GABBR1: variants seen among roughly 807,000 people sequenced by gnomAD.
GABBR1 encodes GABA-B receptor, R1 subunit.
Under a neutral mutation model 117.7 loss-of-function variants are expected in GABBR1, and 35 were observed. That is an observed-to-expected ratio of 0.30 (90% CI 0.23 to 0.39). GABBR1 has a LOEUF of 0.39. Among genes scored for constraint, GABBR1 ranks in the 10% least tolerant of loss-of-function variants. The pLI, the probability that GABBR1 is intolerant of heterozygous loss-of-function variation, is 1.00. For missense variants in GABBR1, 709 were observed against 1,241.8 expected, an observed-to-expected ratio of 0.57 and a Z score of 6.45; for synonymous variants, 442 against 486.6, an observed-to-expected ratio of 0.91 and a Z score of 1.21.
rs762483002 is a variant in GABBR1, at chr6:29,621,164, C to T, written c.1260G>A (p.Glu420=). The T allele has an allele frequency of 1.2e-6, 2 of 1,613,028 alleles. No individual in the cohort carries two copies. Among genetic ancestry groups the T allele is most frequent in the South Asian group, 1.1e-5 (1 of 91,076 alleles). ...CTVDEMTEAV[E]GHITTEIVML... The stretch of plus-strand genomic sequence containing the variant: ...TGACAATCTCAGTTGTGATGTGGCC[C>T]TCCACCGCCTCAGTCATCTCATCCA... Residue 420 remains glutamate, a synonymous_variant, in exon 11 of 23, where the codon GAG becomes GAA. Transcript: ENST00000377034. This position sits in a 1 kb window ranked among gnomAD's most constrained non-coding sequence, Gnocchi z 5.0.
In GABBR1 at chr6:29,631,709, G is replaced by A. The variant is rs375348348; in HGVS notation, c.86-110C>T. The A allele has an allele frequency of 3.3e-5, 30 of 908,158 alleles. No individual in the cohort carries two copies. Among genetic ancestry groups the A allele is most frequent in the Non-Finnish European group, 5.3e-5 (30 of 568,242 alleles). 56.3% of individuals were successfully genotyped at this position (908,158 alleles called of 1,614,324 possible). On this transcript the variant is annotated intron_variant, in intron 2 of 22. Transcript: ENST00000377034. The surrounding 1 kb of genome is among the most constrained non-coding windows in gnomAD (Gnocchi z 5.9). ...TAGGGCGTGGTCTGTGGGCAGGCTG[G>A]GGACAGAGGAAGAGGGATGGGGCAC... is the stretch of plus-strand genomic sequence containing the variant.
rs758113726 is a variant in GABBR1 at position 29,606,442 on chromosome 6, T to C, written c.2260A>G (p.Ile754Val). The C allele has an allele frequency of 3.7e-6, 6 of 1,613,028 alleles. No homozygotes were observed. Among genetic ancestry groups the C allele is most frequent in the Non-Finnish European group, 5.1e-6 (6 of 1,179,874 alleles). Residue 754 changes from isoleucine to valine, a missense_variant, in exon 19 of 23, where the codon ATT becomes GTT. Physicochemically the swap from Ile to Val is conservative, Grantham distance 29. Transcript: ENST00000377034. This position sits in a 1 kb window ranked among gnomAD's most constrained non-coding sequence, Gnocchi z 4.5. ...EEPKEDIDVS[I>V]LPQLEHCSSR... The stretch of plus-strand genomic sequence containing the variant: ...CTGCAATGCTCCAGCTGGGGCAGAA[T>C]AGAGACGTCAATATCTTCCTTAGGT...
In GABBR1 at chr6:29,604,802, A is replaced by G; in HGVS notation, c.2568+58T>C. ...GGGCAGAGGAACTCAGTAATATAGG[A>G]AGGAGGGATGGAGGGAACATGGGAA... On this transcript the variant is annotated intron_variant, in intron 21 of 22. Coordinates refer to ENST00000377034, the MANE Select transcript of GABBR1 (RefSeq NM_001470.4). This position sits in a 1 kb window ranked among gnomAD's most constrained non-coding sequence, Gnocchi z 5.3. The G allele has an allele frequency of 6.3e-7, 1 of 1,595,060 alleles. No homozygotes were observed.
chr6:29,607,266 G>A lies in GABBR1; in HGVS notation c.1993-48C>T, dbSNP rs761428995. 7.6e-6 allele frequency: 11 copies of A among 1,456,924 alleles called. No individual in the cohort carries two copies. The highest frequency in any genetic ancestry group is 1.4e-5 in the African/African-American group (1 of 71,848). The allele number at this position is 1,456,924 out of a possible 1,614,324, so 90.2% of individuals were successfully genotyped here. A position where few individuals can be genotyped will look rare whatever the true frequency, so the allele number is the denominator to read the frequency against. The stretch of plus-strand genomic sequence containing the variant: ...GGCAGAACAGGGTAGAGTAGTAGCC[G>A]GGACTGCAGTAAGGATGGGCAGAAC... On this transcript the variant is annotated intron_variant, in intron 16 of 22. Transcript: ENST00000377034. The surrounding 1 kb of genome is among the most constrained non-coding windows in gnomAD (Gnocchi z 5.0).
intron 11 of GABBR1, among the ~76,000 whole-genome samples, chr6:29,617,841 G>A (rs1037228483): frequency 2.2e-4 from 34 of 152,294 alleles, no homozygotes; most frequent in African/African-American, 7.9e-4. Context: ...TAATGATAAC[G>A]ATGATGGTGG....
Position 29,605,630 on chromosome 6 carries a change from C to T in GABBR1, c.2378G>A (p.Ser793Asn), listed in dbSNP as rs1418330989. ...ATCATTGATCTTCTCAGTGGACACA[C>T]TCTTGGTCTCATAAGCAAGGAAGAT... is the stretch of plus-strand genomic sequence containing the variant. ...LGIFLAYETKSVSTEKINDHR... is the reference protein window; with the variant it reads ...LGIFLAYETKNVSTEKINDHR... The change falls in exon 20 of 23, where the codon AGT becomes AAT. Residue 793 changes from serine to asparagine, a missense_variant. Around this residue, in one of 9 missense-constraint regions of GABBR1, gnomAD observed 251 missense variants for 445.3 expected, o/e 0.56. Transcript: ENST00000377034. This position sits in a 1 kb window ranked among gnomAD's most constrained non-coding sequence, Gnocchi z 4.2. The T allele has an allele frequency of 6.2e-7, 1 of 1,613,164 alleles. No individual in the cohort carries two copies. Among genetic ancestry groups the T allele is most frequent in the Non-Finnish European group, 8.5e-7 (1 of 1,180,030 alleles).
At chr6:29,612,062 C>T (rs1044950401) in intron 13 of GABBR1, among the ~76,000 whole-genome samples, 35 of 152,100 alleles carry the variant, frequency 2.3e-4, no homozygotes, top group South Asian at 2.1e-3. Context: ...AGTGCAGTGG[C>T]GTGATCTCAG....
rs950983402 is a variant in GABBR1 at position 29,630,403 on chromosome 6, C to T, written c.475+55G>A. 362 of 1,481,062 alleles carry T rather than the reference C, an allele frequency of 2.4e-4. 1 individual carries two copies. The highest frequency in any genetic ancestry group is 2.7e-5 in the Non-Finnish European group (29 of 1,065,358). 91.7% of individuals were successfully genotyped at this position (1,481,062 alleles called of 1,614,324 possible). ...TCCCATTATCCATTCCCACCCCACT[C>T]CCATCCTCACACAAGCGTCCTCATC... is the stretch of plus-strand genomic sequence containing the variant. On this transcript the variant is annotated intron_variant, in intron 4 of 22. Transcript: ENST00000377034. The surrounding 1 kb of genome is among the most constrained non-coding windows in gnomAD (Gnocchi z 4.9).
chr6:29,607,261 T>G lies in GABBR1; in HGVS notation c.1993-43A>C. ...GCACAGGCAGAACAGGGTAGAGTAG[T>G]AGCCGGGACTGCAGTAAGGATGGGC... On this transcript the variant is annotated intron_variant, in intron 16 of 22. Transcript: ENST00000377034. The surrounding 1 kb of genome is among the most constrained non-coding windows in gnomAD (Gnocchi z 5.0). The G allele has an allele frequency of 6.7e-7, 1 of 1,486,646 alleles. No homozygotes were observed. The highest frequency in any genetic ancestry group is 9.4e-7 in the Non-Finnish European group (1 of 1,066,234). 92.1% of individuals were successfully genotyped at this position (1,486,646 alleles called of 1,614,324 possible). A position where few individuals can be genotyped will look rare whatever the true frequency, so the allele number is the denominator to read the frequency against.
chr6:29,605,126 C>T lies in GABBR1; in HGVS notation c.2440-138G>A. ...TTTGAAAAGGATCCAAATTCAGGAT[C>T]ATCCTCAAATATAGATTGAGAAAAA... On this transcript the variant is annotated intron_variant, in intron 20 of 22. Coordinates refer to ENST00000377034, the MANE Select transcript of GABBR1 (RefSeq NM_001470.4). This position sits in a 1 kb window ranked among gnomAD's most constrained non-coding sequence, Gnocchi z 4.2. 1 of 909,258 alleles carries T rather than the reference C, an allele frequency of 1.1e-6. No individual in the cohort carries two copies. The highest frequency in any genetic ancestry group is 1.6e-6 in the Non-Finnish European group (1 of 618,108). The allele number at this position is 909,258 out of a possible 1,614,324, so 56.3% of individuals were successfully genotyped here.
At chr6:29,628,397 C>G (rs1001011767) in intron 5 of GABBR1, among the ~76,000 whole-genome samples, 24 of 151,996 alleles carry the variant, frequency 1.6e-4, no homozygotes, top group African/African-American at 5.8e-4. Context: ...ACGGGGCTGG[C>G]GCCTGAGGTC....
At position 29,605,379 on chromosome 6, in the gene GABBR1, C is replaced by A. The variant is rs1761843211; in HGVS notation, c.2439+190G>T. ...TAATATCTACTTCACTGGGTAGTTG[C>A]AAGATTAATGATACAATGTCTGTAG... On this transcript the variant is annotated intron_variant, in intron 20 of 22. Coordinates refer to ENST00000377034, the MANE Select transcript of GABBR1 (RefSeq NM_001470.4). The surrounding 1 kb of genome is among the most constrained non-coding windows in gnomAD (Gnocchi z 4.2). The A allele has an allele frequency of 1.5e-6, 1 of 680,844 alleles. No homozygotes were observed. The highest frequency in any genetic ancestry group is 2.5e-5 in the East Asian group (1 of 39,454). The allele number at this position is 680,844 out of a possible 1,614,324, so 42.2% of individuals were successfully genotyped here.
At position 29,606,659 on chromosome 6, in the gene GABBR1, T is replaced by G; in HGVS notation, c.2218-175A>C. The G allele has an allele frequency of 1.6e-6, 1 of 639,954 alleles. No individual in the cohort carries two copies. The highest frequency in any genetic ancestry group is 2.8e-6 in the Non-Finnish European group (1 of 361,974). 39.6% of individuals were successfully genotyped at this position (639,954 alleles called of 1,614,324 possible). A position where few individuals can be genotyped will look rare whatever the true frequency, so the allele number is the denominator to read the frequency against. Reference sequence around the variant, plus strand: ...ACCCTTGGAGGTGCTTGTTCCCCACTTTCCCTGATGCCTGGAAGTTCTACA... The same window carrying G: ...ACCCTTGGAGGTGCTTGTTCCCCACGTTCCCTGATGCCTGGAAGTTCTACA... On this transcript the variant is annotated intron_variant, in intron 18 of 22. Transcript: ENST00000377034. This position sits in a 1 kb window ranked among gnomAD's most constrained non-coding sequence, Gnocchi z 4.5.
intron 14 of GABBR1, among the ~76,000 whole-genome samples, chr6:29,610,191 T>C (rs1762398337): frequency 6.6e-6 from 1 of 152,216 alleles, no homozygotes. Context: ...GGAGGCTTTC[T>C]TTTATCAGTA....
Position 29,606,357 on chromosome 6 carries a change from C to T in GABBR1, c.2311+34G>A, listed in dbSNP as rs1431336355. The T allele has an allele frequency of 2.7e-6, 4 of 1,493,254 alleles. No individual in the cohort carries two copies. The highest frequency in any genetic ancestry group is 1.7e-4 in the Middle Eastern group (1 of 5,782). The allele number at this position is 1,493,254 out of a possible 1,614,324, so 92.5% of individuals were successfully genotyped here. A position where few individuals can be genotyped will look rare whatever the true frequency, so the allele number is the denominator to read the frequency against. On this transcript the variant is annotated intron_variant, in intron 19 of 22. Coordinates refer to ENST00000377034, the MANE Select transcript of GABBR1 (RefSeq NM_001470.4). The surrounding 1 kb of genome is among the most constrained non-coding windows in gnomAD (Gnocchi z 4.5). ...CCCTGCCTTCCCTCCTGCCTTTGTG[C>T]ATCCCTGCCCTCCTTTGCCCACATC...
rs1407967650 is a variant in GABBR1 at position 29,608,592 on chromosome 6, C to T, written c.1992+9G>A. ...CATCCTGTAAGGAATTTGCCCACCA[C>T]CTCCTCACCTGGCAGACGAAAGGAA... On this transcript the variant is annotated intron_variant, in intron 16 of 22. Coordinates refer to ENST00000377034, the MANE Select transcript of GABBR1 (RefSeq NM_001470.4). 1 of 1,611,860 alleles carries T rather than the reference C, an allele frequency of 6.2e-7. No individual in the cohort carries two copies. Among genetic ancestry groups the T allele is most frequent in the Non-Finnish European group, 8.5e-7 (1 of 1,179,412 alleles).
intron 11 of GABBR1, among the ~76,000 whole-genome samples, chr6:29,614,674 C>T (rs1453994024): frequency 1.3e-5 from 2 of 152,114 alleles, no homozygotes; most frequent in African/African-American, 2.4e-5. Flanking sequence ...GCACTGTGCC[C>T]AACCATAATG....
At position 29,605,397 on chromosome 6, in the gene GABBR1, G is replaced by A; in HGVS notation, c.2439+172C>T. 1.4e-6 allele frequency: 1 copy of A among 732,086 alleles called. No homozygotes were observed. The highest frequency in any genetic ancestry group is 2.3e-6 in the Non-Finnish European group (1 of 438,674). The allele number at this position is 732,086 out of a possible 1,614,324, so 45.3% of individuals were successfully genotyped here. On this transcript the variant is annotated intron_variant, in intron 20 of 22. Transcript: ENST00000377034. This position sits in a 1 kb window ranked among gnomAD's most constrained non-coding sequence, Gnocchi z 4.2. ...GTAGTTGCAAGATTAATGATACAAT[G>A]TCTGTAGTGAGCTTTGTAAACTGTA...
Position 29,627,588 on chromosome 6 carries a change from G to A in GABBR1, c.555C>T (p.Gly185=). The change falls in exon 6 of 23, where the codon GGC becomes GGT. Residue 185 remains glycine (G), a synonymous_variant. Coordinates refer to ENST00000377034, the MANE Select transcript of GABBR1 (RefSeq NM_001470.4). The surrounding 1 kb of genome is among the most constrained non-coding windows in gnomAD (Gnocchi z 4.4). ...TCTCCACCGCGGGCTGGCAGGCCTG[G>A]CCCCCTGGCCAGCCCCCGCTCATGG... ...LFPMSGGWPG[G]QACQPAVEMA... 1 of 1,578,022 alleles carries A rather than the reference G, an allele frequency of 6.3e-7. No individual in the cohort carries two copies. The highest frequency in any genetic ancestry group is 8.6e-7 in the Non-Finnish European group (1 of 1,163,234).
Sources: gnomAD v4.1 joint callset for allele counts (sites outside exome capture counted in the v4.1 genomes callset) on GRCh38, gnomAD v4.1.1 for gene constraint, gnomAD v4.1.1 regional missense constraint, Gnocchi (gnomAD v3.1) non-coding constraint, MANE v1.5 for transcripts, NCBI Gene and HGNC (gene_info 2026-07-23, HGNC 2026-07-21) for gene names.